HSPB7: variants seen among roughly 807,000 people sequenced by gnomAD.
The protein encoded by HSPB7 is heat shock protein family B (small) member 7.
A neutral mutation model predicts 11.0 loss-of-function variants in HSPB7; 9 were observed. The ratio of observed to expected loss-of-function variants is 0.82; its 90% confidence interval spans 0.49 to 1.43. HSPB7 has a LOEUF of 1.43. Ranked by LOEUF, HSPB7 falls within the 40% of genes most tolerant of loss-of-function variation. The pLI is 0.00. For synonymous variants in HSPB7, 102 were observed against 101.6 expected (o/e 1.00, Z -0.02); for missense variants, 246 against 243.9 (o/e 1.01, Z -0.06).
chr1:16,018,974 C>A (rs963611846), upstream of HSPB7: 1 of 996,544 alleles, frequency 1.0e-6, no homozygotes, highest in Admixed American at 2.9e-5. Context: ...CTCGCAGTTG[C>A]GTAAGTGGCA....
At chr1:16,018,653 C>T (rs3754331), upstream of HSPB7, 84,373 of 1,027,782 alleles carry the variant, frequency 0.082, 3,824 homozygotes, top group East Asian at 0.2. Context: ...GAACATTCAG[C>T]AGCCCCAAGA....
At chr1:16,017,560 G>A in intron 1 of HSPB7, 1 of 598,952 alleles carries the variant, frequency 1.7e-6, no homozygotes. Flanking sequence ...CAACCCCCAG[G>A]GCCACAACTG....
At chr1:16,018,136 G>T (rs757132343), upstream of HSPB7, 24 of 1,543,906 alleles carry the variant, frequency 1.6e-5, no homozygotes, top group South Asian at 1.2e-4. Flanking sequence ...GCCTCTCCAT[G>T]GCCCAGAGGG....
upstream of HSPB7, chr1:16,019,448 G>A (rs1463126342): frequency 1.7e-5 from 26 of 1,549,732 alleles, no homozygotes; most frequent in East Asian, 2.7e-4. Flanking sequence ...CCACGGGGGC[G>A]AGGGTTCACC....
rs1488533816 is a variant in HSPB7 at position 16,015,237 on chromosome 1, G to T, written c.*343C>A. ...ACTTCATAGATCAGAGGGTTTGTCT[G>T]TCTGTCTGTCCTGCAGAGCTTGCCC... On this transcript the variant is annotated 3_prime_UTR_variant, in exon 3 of 3. Coordinates refer to ENST00000311890, the MANE Select transcript of HSPB7 (RefSeq NM_014424.5). The surrounding 1 kb of genome is among the most constrained non-coding windows in gnomAD (Gnocchi z 4.9). 4 of 243,108 alleles carry T rather than the reference G, an allele frequency of 1.6e-5. No individual in the cohort carries two copies. The highest frequency in any genetic ancestry group is 9.2e-5 in the African/African-American group (4 of 43,340). The allele number at this position is 243,108 out of a possible 1,614,324, so 15.1% of individuals were successfully genotyped here.
chr1:16,017,995 G>A lies in HSPB7; in HGVS notation c.-32C>T, dbSNP rs1170742083. The A allele has an allele frequency of 4.3e-6, 7 of 1,612,490 alleles. No individual in the cohort carries two copies. Among genetic ancestry groups the A allele is most frequent in the Non-Finnish European group, 5.1e-6 (6 of 1,179,584 alleles). On this transcript the variant is annotated 5_prime_UTR_variant, in exon 1 of 3. Transcript: ENST00000311890. ...ACGGCGCCGGGCCCTGCCCAGGCGG[G>A]CGAGGGCTGGACAGGAGAGGGTGTG...
At chr1:16,018,989 TG>T, upstream of HSPB7, 1 of 991,586 alleles carries the variant, frequency 1.0e-6, no homozygotes, top group Non-Finnish European at 1.4e-6. Context: ...GTGGCAGAGC[TG>T]GGATTCGAAC....
rs2021635919 is a variant in HSPB7 at position 16,015,536 on chromosome 1, G to A, written c.*44C>T. 6.3e-7 allele frequency: 1 copy of A among 1,587,062 alleles called. No homozygotes were observed. Among genetic ancestry groups the A allele is most frequent in the African/African-American group, 1.3e-5 (1 of 74,394 alleles). ...TAATGGGGTTAGCGAGGCTTTGCTGGCAGGCGTGGGGCGGGGGGACAGGGA... is the reference window on the plus strand; with the variant it reads ...TAATGGGGTTAGCGAGGCTTTGCTGACAGGCGTGGGGCGGGGGGACAGGGA... On this transcript the variant is annotated 3_prime_UTR_variant, in exon 3 of 3. Coordinates refer to ENST00000311890, the MANE Select transcript of HSPB7 (RefSeq NM_014424.5). This position sits in a 1 kb window ranked among gnomAD's most constrained non-coding sequence, Gnocchi z 4.9.
Position 16,015,604 on chromosome 1 carries a change from G to T in HSPB7, c.489C>A (p.Thr163=), listed in dbSNP as rs1472907258. Residue 163 remains threonine (T), a synonymous_variant, in exon 3 of 3, where the codon ACC becomes ACA. Transcript: ENST00000311890. This position sits in a 1 kb window ranked among gnomAD's most constrained non-coding sequence, Gnocchi z 4.9. ...CTCAGATTTTGATCTCCGTCCGGAA[G>T]GTCTGCTGGACGTGTTCTGTATGCG... The part of the protein sequence containing the change: ...RHPHTEHVQQ[T]FRTEIKI The T allele has an allele frequency of 6.2e-7, 1 of 1,614,106 alleles. No individual in the cohort carries two copies.
upstream of HSPB7, chr1:16,018,085 C>T (rs1424899258): frequency 6.4e-7 from 1 of 1,573,024 alleles, no homozygotes; most frequent in African/African-American, 1.4e-5. Flanking sequence ...CCGACTGTCC[C>T]TGGGCTTGGG....
Position 16,017,933 on chromosome 1 carries a change from C to G in HSPB7, c.31G>C (p.Ala11Pro). The G allele has an allele frequency of 6.2e-7, 1 of 1,613,382 alleles. No individual in the cohort carries two copies. The highest frequency in any genetic ancestry group is 8.5e-7 in the Non-Finnish European group (1 of 1,179,688). MSHRTSSTFR[A>P]ERSFHSSSSS... is the part of the protein sequence containing the mutation. ...GAAGAGGAATGGAAACTTCTCTCCG[C>G]TCGGAAGGTGGAAGAGGTTCTGTGG... The change falls in exon 1 of 3, where the codon GCG (alanine) becomes CCG (proline). Residue 11 changes from alanine (A) to proline (P), a missense_variant. Ala to Pro is a conservative substitution (Grantham distance 27). Coordinates refer to ENST00000311890, the MANE Select transcript of HSPB7 (RefSeq NM_014424.5).
upstream of HSPB7, chr1:16,018,991 G>C (rs2021959830): frequency 3.0e-6 from 3 of 988,726 alleles, no homozygotes; most frequent in South Asian, 5.2e-5. Context: ...GGCAGAGCTG[G>C]GATTCGAACC....
chr1:16,015,894 G>A lies in HSPB7; in HGVS notation c.334-135C>T. The A allele has an allele frequency of 1.2e-6, 1 of 842,706 alleles. No individual in the cohort carries two copies. Among genetic ancestry groups the A allele is most frequent in the Non-Finnish European group, 1.8e-6 (1 of 556,736 alleles). The allele number at this position is 842,706 out of a possible 1,614,324, so 52.2% of individuals were successfully genotyped here. On this transcript the variant is annotated intron_variant, in intron 2 of 2. Transcript: ENST00000311890. This position sits in a 1 kb window ranked among gnomAD's most constrained non-coding sequence, Gnocchi z 4.9. Reference sequence around the variant, plus strand: ...GGGGCTCTGCCCTCAGGTGCCGAGGGGCTGCCCAGGGTGGTGATGGCCACA... The same window carrying A: ...GGGGCTCTGCCCTCAGGTGCCGAGGAGCTGCCCAGGGTGGTGATGGCCACA...
chr1:16,017,463 C>A (rs1570279603), intron 1 of HSPB7: 2 of 587,056 alleles, frequency 3.4e-6, no homozygotes, highest in East Asian at 5.7e-5. Context: ...CTGGGGGCTG[C>A]CCCCCACCGC....
intron 2 of HSPB7, among the ~76,000 whole-genome samples, chr1:16,016,553 GC>G (rs1329868506): frequency 2.0e-5 from 3 of 152,182 alleles, no homozygotes; most frequent in Non-Finnish European, 2.9e-5. Context: ...AAACTGCAGG[GC>G]CCCTGCCCAG....
chr1:16,016,062 G>A (rs974476836), intron 2 of HSPB7, among the ~76,000 whole-genome samples: 4 of 152,232 alleles, frequency 2.6e-5, no homozygotes, highest in Non-Finnish European at 5.9e-5. Context: ...GGGGCTCCTG[G>A]GGAACGTGGA....
In HSPB7 at chr1:16,015,452, A is replaced by C. The variant is rs1318918976; in HGVS notation, c.*128T>G. The C allele has an allele frequency of 2.4e-6, 2 of 849,370 alleles. No homozygotes were observed. Among genetic ancestry groups the C allele is most frequent in the Non-Finnish European group, 3.7e-6 (2 of 536,182 alleles). 52.6% of individuals were successfully genotyped at this position (849,370 alleles called of 1,614,324 possible). On this transcript the variant is annotated 3_prime_UTR_variant, in exon 3 of 3. Coordinates refer to ENST00000311890, the MANE Select transcript of HSPB7 (RefSeq NM_014424.5). This position sits in a 1 kb window ranked among gnomAD's most constrained non-coding sequence, Gnocchi z 4.9. ...GGGCCCTAGTTTGGGAGGATGGTCC[A>C]CCTGGGGTCTGGGGTGCGTGGGGGC...
In HSPB7 at chr1:16,017,214, G is replaced by A; in HGVS notation, c.200-7C>T. On this transcript the variant is annotated splice_polypyrimidine_tract_variant and splice_region_variant and intron_variant, in intron 1 of 2. Coordinates refer to ENST00000311890, the MANE Select transcript of HSPB7 (RefSeq NM_014424.5). ...CCTGCCCCACCGGGGCGGGCTGTGG[G>A]ATGGGCTGCTGTGAGCGAGGCATGG... is the stretch of plus-strand genomic sequence containing the variant. 6.2e-7 allele frequency: 1 copy of A among 1,612,560 alleles called. No individual in the cohort carries two copies. Among genetic ancestry groups the A allele is most frequent in the Non-Finnish European group, 8.5e-7 (1 of 1,178,856 alleles).
intron 1 of HSPB7, 182 bp from the exon 2 acceptor site, chr1:16,017,389 C>T (rs2021820864): frequency 1.4e-6 from 1 of 723,232 alleles, no homozygotes; most frequent in African/African-American, 1.8e-5. Flanking sequence ...GGTGGGGCCT[C>T]ACCCAGCACA....
Sources: gnomAD v4.1 joint callset for allele counts (sites outside exome capture counted in the v4.1 genomes callset) on GRCh38, gnomAD v4.1.1 for gene constraint, Gnocchi (gnomAD v3.1) non-coding constraint, MANE v1.5 for transcripts, NCBI Gene and HGNC (gene_info 2026-07-23, HGNC 2026-07-21) for gene names.